Variants in UNC5D observed in about 807,000 individuals in gnomAD.
The protein encoded by UNC5D is netrin receptor UNC5D.
A neutral mutation model predicts 105.4 loss-of-function variants in UNC5D; 39 were observed. The observed-to-expected ratio is 0.37, with a 90% CI of 0.29 to 0.48. The LOEUF (loss-of-function observed/expected upper bound fraction) is 0.48, where lower values mean the gene tolerates loss of function less well. UNC5D is among the 20% of genes least tolerant of loss of function. The probability of loss-of-function intolerance (pLI) is 0.98; values close to 1 mark genes in which losing one functional copy is unlikely to be tolerated. For missense variants in UNC5D, 991 were observed against 1,202.4 expected (o/e 0.82, Z 2.60); for synonymous variants, 452 against 450.4 (o/e 1.00, Z -0.04).
chr8:35,247,608 A>G (rs867230187), intron 1 of UNC5D, among the ~76,000 whole-genome samples: 14 of 93,826 alleles, frequency 1.5e-4, no homozygotes, highest in Admixed American at 3.6e-4. Context: ...ATATATAAAT[A>G]TATATTATAT....
At chr8:35,641,366 CAA>C (rs377021599) in intron 4 of UNC5D, among the ~76,000 whole-genome samples, 233 of 44,284 alleles carry the variant, frequency 5.3e-3, no homozygotes, top group Non-Finnish European at 7.4e-3. Flanking sequence ...AAAAATAAAG[CAA>C]AAAAAAAAAA....
intron 2 of UNC5D, among the ~76,000 whole-genome samples, chr8:35,558,771 C>A (rs1267224467): frequency 1.3e-5 from 2 of 152,044 alleles, no homozygotes; most frequent in Admixed American, 1.3e-4. Context: ...TCACTTGAGG[C>A]CTGGAGTTTC....
chr8:35,658,089 A>G (rs1823883273), intron 4 of UNC5D, among the ~76,000 whole-genome samples: 1 of 152,208 alleles, frequency 6.6e-6, no homozygotes, highest in African/African-American at 2.4e-5. Flanking sequence ...AATCCCTAAC[A>G]GAATTCGTAT....
chr8:35,651,851 G>A (rs919520971), intron 4 of UNC5D, among the ~76,000 whole-genome samples: 8 of 152,134 alleles, frequency 5.3e-5, no homozygotes, highest in African/African-American at 1.9e-4. Context: ...GCTCACTGCT[G>A]TTTACTGTTT....
chr8:35,431,561 C>T lies in UNC5D; in HGVS notation c.104-117731C>T, dbSNP rs530334435. ...AAAAATGCGGTTATATTCCATCTGG[C>T]TTTTCATTGAGGAAAGTATAAAAAC... On this transcript the variant is annotated intron_variant, in intron 1 of 16. Transcript: ENST00000404895. 1.6e-4 allele frequency among the ~76,000 whole-genome samples: 24 copies of T among 152,156 alleles called. No homozygotes were observed. In the East Asian group the frequency reaches 3.9e-3, roughly 24 times the overall value.
At chr8:35,672,096 T>C (rs1187476902) in intron 4 of UNC5D, among the ~76,000 whole-genome samples, 1 of 152,170 alleles carries the variant, frequency 6.6e-6, no homozygotes, top group East Asian at 1.9e-4. Flanking sequence ...TACATGTCCA[T>C]GTATGTATGA....
At position 35,235,586 on chromosome 8, in the gene UNC5D, TG is replaced by T; in HGVS notation, c.-195del. The T allele has an allele frequency of 2.5e-6, 1 of 400,144 alleles. No homozygotes were observed. The highest frequency in any genetic ancestry group is 4.3e-6 in the Non-Finnish European group (1 of 233,906). The allele number at this position is 400,144 out of a possible 1,614,324, so 24.8% of individuals were successfully genotyped here. A position where few individuals can be genotyped will look rare whatever the true frequency, so the allele number is the denominator to read the frequency against. On this transcript the variant is annotated 5_prime_UTR_variant, in exon 1 of 17. It removes the in-frame stop codon of an upstream open reading frame in the 5' UTR. Transcript: ENST00000404895. ...GCGGTCGCCGCGCCGTGGGAAGCTA[TG>T]GGGACGCGCCCTTTCTCGGGGTGCC...
chr8:35,257,221 G>A (rs1454519132), intron 1 of UNC5D, among the ~76,000 whole-genome samples: 2 of 151,842 alleles, frequency 1.3e-5, no homozygotes, highest in African/African-American at 2.4e-5. Context: ...CACCTGCCTC[G>A]GCCTCCCAAA....
At chr8:35,326,028 A>C (rs1028555560) in intron 1 of UNC5D, among the ~76,000 whole-genome samples, 2 of 152,220 alleles carry the variant, frequency 1.3e-5, no homozygotes, top group Non-Finnish European at 2.9e-5. Flanking sequence ...CTGTCCTAAG[A>C]GATTAAAAAT....
At chr8:35,529,127 C>G (rs1243392049) in intron 1 of UNC5D, among the ~76,000 whole-genome samples, 1 of 142,828 alleles carries the variant, frequency 7.0e-6, no homozygotes. Flanking sequence ...CTTGCCCATG[C>G]CTACGTCCTG....
intron 4 of UNC5D, among the ~76,000 whole-genome samples, chr8:35,598,263 TG>T (rs1451498787): frequency 3.3e-5 from 5 of 152,248 alleles, no homozygotes; most frequent in African/African-American, 1.2e-4. Flanking sequence ...GTATTTACTT[TG>T]CTTATTTCTC....
rs574724278 is a variant in UNC5D, at chr8:35,331,423, C to T, written c.103+95536C>T. 1.1e-4 allele frequency among the ~76,000 whole-genome samples: 17 copies of T among 152,244 alleles called. No individual in the cohort carries two copies. In the East Asian group the frequency reaches 2.3e-3, roughly 21 times the overall value. On this transcript the variant is annotated intron_variant, in intron 1 of 16. Transcript: ENST00000404895. The stretch of plus-strand genomic sequence containing the variant: ...TGGTGGATTGCTCAAACCCAGCACA[C>T]AGCAGTAACCACGGAGCTTCAAGAG...
intron 4 of UNC5D, among the ~76,000 whole-genome samples, chr8:35,638,729 G>T (rs960692155): frequency 1.3e-5 from 2 of 152,076 alleles, no homozygotes; most frequent in Admixed American, 1.3e-4. Flanking sequence ...AAGCCCAGAT[G>T]TTGGAGGTGA....
rs1803032121 is a variant in UNC5D, at chr8:35,791,327, A to C, written c.*764A>C. On this transcript the variant is annotated 3_prime_UTR_variant, in exon 17 of 17. Coordinates refer to ENST00000404895, the MANE Select transcript of UNC5D (RefSeq NM_080872.4). ...TCAATACGGAAAGTTGTTTTTTCTAACACAACAAAGTGGGACCATCTCTAT... is the reference window on the plus strand; with the variant it reads ...TCAATACGGAAAGTTGTTTTTTCTACCACAACAAAGTGGGACCATCTCTAT... 1 of 152,508 alleles carries C rather than the reference A, an allele frequency of 6.6e-6. No individual in the cohort carries two copies. Among genetic ancestry groups the C allele is most frequent in the Non-Finnish European group, 1.5e-5 (1 of 68,320 alleles). The allele number at this position is 152,508 out of a possible 1,614,324, so 9.4% of individuals were successfully genotyped here. A position where few individuals can be genotyped will look rare whatever the true frequency, so the allele number is the denominator to read the frequency against.
At chr8:35,617,571 A>C (rs1480626575) in intron 4 of UNC5D, among the ~76,000 whole-genome samples, 1 of 152,220 alleles carries the variant, frequency 6.6e-6, no homozygotes, top group Non-Finnish European at 1.5e-5. Context: ...GAGCTACCTT[A>C]GATTCAGCAC....
chr8:35,379,006 T>C (rs4739404), intron 1 of UNC5D, among the ~76,000 whole-genome samples: 17 of 152,294 alleles, frequency 1.1e-4, no homozygotes, highest in Admixed American at 1.1e-3. Flanking sequence ...GACAAAACCC[T>C]AGAAAGGATA....
intron 1 of UNC5D, among the ~76,000 whole-genome samples, chr8:35,421,353 C>T (rs1050128392): frequency 1.3e-5 from 2 of 152,088 alleles, no homozygotes; most frequent in African/African-American, 2.4e-5. Flanking sequence ...GAAGACCTCA[C>T]CTAACGCCTG....
chr8:35,333,611 C>G (rs1810800548), intron 1 of UNC5D, among the ~76,000 whole-genome samples: 1 of 152,054 alleles, frequency 6.6e-6, no homozygotes, highest in African/African-American at 2.4e-5. Flanking sequence ...TCCCAAGTAG[C>G]TAGGATTATA....
intron 1 of UNC5D, among the ~76,000 whole-genome samples, chr8:35,249,450 C>T (rs905218177): frequency 2.1e-4 from 31 of 150,658 alleles, no homozygotes; most frequent in African/African-American, 7.0e-4. Flanking sequence ...CCCGGCTACT[C>T]GGGAGGCTGA....
Sources: allele counts gnomAD v4.1 joint callset (sites outside exome capture counted in the v4.1 genomes callset), GRCh38; gene constraint gnomAD v4.1.1; transcripts MANE v1.5; gene names NCBI Gene and HGNC (gene_info 2026-07-23, HGNC 2026-07-21).